The following CABCOCO1 variants were observed in gnomAD, a reference collection of about 807,000 sequenced individuals.
CABCOCO1 encodes ciliary associated calcium binding coiled-coil 1.
CABCOCO1 carries 28 observed loss-of-function variants against 35.7 expected under a neutral mutation model. The ratio of observed to expected loss-of-function variants is 0.78; its 90% CI spans 0.58 to 1.07. The LOEUF (loss-of-function observed/expected upper bound fraction) is 1.07. Ranked by LOEUF, CABCOCO1 falls within the 50% of genes least tolerant of loss-of-function variation. CABCOCO1 has a pLI of 0.00. For synonymous variants in CABCOCO1, 95 were observed against 100.1 expected, an observed-to-expected ratio of 0.95 and a Z score of 0.30; for missense variants, 326 against 309.2, an observed-to-expected ratio of 1.05 and a Z score of -0.41.
chr10:61,680,317 A>AATAT lies in CABCOCO1; in HGVS notation c.165-813_165-810dup, dbSNP rs1554821447. ...TGAAGCAAGGCCCTGTCTCAAAAAA[A>AATAT]ATATATATATATATATTTATATACA... On this transcript the variant is annotated intron_variant, in intron 2 of 7. Coordinates refer to ENST00000648843, the MANE Select transcript of CABCOCO1 (RefSeq NM_001366906.2). Among the ~76,000 whole-genome samples the AATAT allele has an allele frequency of 6.2e-4, 87 of 140,494 alleles. 4 individuals are homozygous for AATAT. In the East Asian group the frequency reaches 7.2e-3, roughly 12 times the overall value. 92.2% of individuals were successfully genotyped at this position (140,494 alleles called of 152,430 possible).
intron 5 of CABCOCO1, among the ~76,000 whole-genome samples, chr10:61,712,105 T>G (rs1157619550): frequency 6.6e-6 from 1 of 151,950 alleles, no homozygotes; most frequent in African/African-American, 2.4e-5. Flanking sequence ...ATCAACAGTG[T>G]AAAAGCATTC....
In CABCOCO1 at chr10:61,672,724, T is replaced by C; in HGVS notation, c.153T>C (p.Asp51=). Reference sequence around the variant, plus strand: ...CTGATTTGTTAATGGAGGACATCGATGGAGTTCAAGAGTAAGCACTTCACT... The same window carrying C: ...CTGATTTGTTAATGGAGGACATCGACGGAGTTCAAGAGTAAGCACTTCACT... ...QITDLLMEDI[D]GVQEKLRIFL... is the part of the protein sequence containing the mutation. Residue 51 remains aspartate, a synonymous_variant, in exon 2 of 8, where the codon GAT becomes GAC. Coordinates refer to ENST00000648843, the MANE Select transcript of CABCOCO1 (RefSeq NM_001366906.2). 1 of 985,396 alleles carries C rather than the reference T, an allele frequency of 1.0e-6. No homozygotes were observed. Among genetic ancestry groups the C allele is most frequent in the Non-Finnish European group, 1.2e-6 (1 of 829,896 alleles). 61.0% of individuals were successfully genotyped at this position (985,396 alleles called of 1,614,324 possible).
intron 5 of CABCOCO1, among the ~76,000 whole-genome samples, chr10:61,749,705 G>T (rs536152559): frequency 2.0e-4 from 30 of 152,294 alleles, no homozygotes; most frequent in African/African-American, 6.5e-4. Context: ...AACTACTAGG[G>T]TTCCCCTTCC....
chr10:61,765,917 T>G (rs764979206), intron 7 of CABCOCO1, 22 bp from the exon 8 acceptor site: 1 of 1,603,332 alleles, frequency 6.2e-7, no homozygotes, highest in Non-Finnish European at 8.5e-7. Context: ...CATAACCACG[T>G]TTTTTATGAT....
At chr10:61,672,794 A>G (rs988691772) in intron 2 of CABCOCO1, 59 bp downstream of exon 2, 1 of 924,938 alleles carries the variant, frequency 1.1e-6, no homozygotes, top group Non-Finnish European at 1.3e-6. Context: ...TGCATCTGTA[A>G]ATGATTGTGA....
chr10:61,679,321 A>T (rs201564948), intron 2 of CABCOCO1, among the ~76,000 whole-genome samples: 10,223 of 100,980 alleles, frequency 0.1, 472 homozygotes, highest in Admixed American at 0.16. Context: ...CTATATCTAT[A>T]TCTATATCTA....
chr10:61,749,377 C>G (rs1408070716), intron 5 of CABCOCO1, among the ~76,000 whole-genome samples: 5 of 152,190 alleles, frequency 3.3e-5, no homozygotes, highest in African/African-American at 1.2e-4. Flanking sequence ...CAAAAGCAAA[C>G]TGATGCCCCT....
Position 61,672,689 on chromosome 10 carries a change from G to A in CABCOCO1, c.118G>A (p.Ala40Thr), listed in dbSNP as rs1839396753. Residue 40 changes from alanine to threonine, a missense_variant, in exon 2 of 8, where the codon GCC (alanine) becomes ACC (threonine). Ala to Thr is a moderately conservative substitution (Grantham distance 58). Coordinates refer to ENST00000648843, the MANE Select transcript of CABCOCO1 (RefSeq NM_001366906.2). ...KILSPDFLSVAQITDLLMEDI... is the reference protein window; with the variant it reads ...KILSPDFLSVTQITDLLMEDI... ...TCTGTCTCCGGATTTTCTTTCAGTT[G>A]CCCAAATCACTGATTTGTTAATGGA... The A allele has an allele frequency of 1.0e-6, 1 of 985,040 alleles. No individual in the cohort carries two copies. The highest frequency in any genetic ancestry group is 6.2e-5 in the Admixed American group (1 of 16,258). 61.0% of individuals were successfully genotyped at this position (985,040 alleles called of 1,614,324 possible). A position where few individuals can be genotyped will look rare whatever the true frequency, so the allele number is the denominator to read the frequency against.
At chr10:61,663,322 G>A (rs1299886268) in intron 1 of CABCOCO1, among the ~76,000 whole-genome samples, 2 of 151,598 alleles carry the variant, frequency 1.3e-5, no homozygotes, top group African/African-American at 4.8e-5. Context: ...GTGCCCAAAC[G>A]CCCTCATAAC....
intron 5 of CABCOCO1, among the ~76,000 whole-genome samples, chr10:61,736,702 A>G (rs34971402): frequency 0.016 from 2,368 of 152,318 alleles, 40 homozygotes; most frequent in East Asian, 0.046. Context: ...TTTGATAGGA[A>G]TAGAATTAAA....
At position 61,766,017 on chromosome 10, in the gene CABCOCO1, C is replaced by G. The variant is rs370250886; in HGVS notation, c.*4C>G. On this transcript the variant is annotated 3_prime_UTR_variant, in exon 8 of 8. Coordinates refer to ENST00000648843, the MANE Select transcript of CABCOCO1 (RefSeq NM_001366906.2). ...AGAAAAATTGAAAAAGGCCTAAGGA[C>G]TTGGTACAAGGAGAGTGATGCTAAA... 1.2e-5 allele frequency: 20 copies of G among 1,609,208 alleles called. No individual in the cohort carries two copies. Among genetic ancestry groups the G allele is most frequent in the Non-Finnish European group, 1.7e-5 (20 of 1,176,142 alleles).
chr10:61,683,713 G>T (rs1261052963), intron 3 of CABCOCO1, among the ~76,000 whole-genome samples: 4 of 152,074 alleles, frequency 2.6e-5, no homozygotes, highest in African/African-American at 9.7e-5. Context: ...ATTTCTAGAA[G>T]CTTTTACTAT....
intron 5 of CABCOCO1, among the ~76,000 whole-genome samples, chr10:61,749,319 T>C (rs1234284376): frequency 6.6e-6 from 1 of 152,236 alleles, no homozygotes. Flanking sequence ...GTTGTTTTTC[T>C]GCATGCCTGT....
chr10:61,722,389 T>C (rs552576202), intron 5 of CABCOCO1, among the ~76,000 whole-genome samples: 2 of 152,234 alleles, frequency 1.3e-5, no homozygotes, highest in Admixed American at 1.3e-4. Flanking sequence ...GGAACAACTC[T>C]TTAGCCAAAA....
At chr10:61,684,806 G>A (rs1292549454) in intron 3 of CABCOCO1, 1 of 152,328 alleles carries the variant, frequency 6.6e-6, no homozygotes, top group Non-Finnish European at 1.5e-5. Flanking sequence ...TCTTCCAGGG[G>A]AAGGGTGGAT....
chr10:61,678,538 G>A (rs1839595376), intron 2 of CABCOCO1, among the ~76,000 whole-genome samples: 1 of 151,526 alleles, frequency 6.6e-6, no homozygotes, highest in Non-Finnish European at 1.5e-5. Context: ...AATACACAAT[G>A]TTCACATATA....
chr10:61,740,488 A>C (rs191080400), intron 5 of CABCOCO1, among the ~76,000 whole-genome samples: 3 of 152,246 alleles, frequency 2.0e-5, no homozygotes, highest in African/African-American at 4.8e-5. Flanking sequence ...CCATGATTTA[A>C]GTGACATTTT....
chr10:61,700,062 C>T (rs1275837256), intron 5 of CABCOCO1, among the ~76,000 whole-genome samples: 1 of 151,990 alleles, frequency 6.6e-6, no homozygotes, highest in Non-Finnish European at 1.5e-5. Context: ...AAGCCCATGA[C>T]CAGGAAATTA....
chr10:61,697,169 G>T (rs1015297742), intron 5 of CABCOCO1, among the ~76,000 whole-genome samples: 5 of 151,964 alleles, frequency 3.3e-5, no homozygotes, highest in African/African-American at 1.2e-4. Flanking sequence ...GTAGACATAT[G>T]TACTCATATT....
Sources: gnomAD v4.1 joint callset for allele counts (sites outside exome capture counted in the v4.1 genomes callset) on GRCh38, gnomAD v4.1.1 for gene constraint, MANE v1.5 for transcripts, NCBI Gene and HGNC (gene_info 2026-07-23, HGNC 2026-07-21) for gene names.